The following FAF1 variants were observed in gnomAD, a reference collection of about 807,000 sequenced individuals.
FAF1 encodes Fas associated factor 1.
FAF1 carries 25 observed loss-of-function variants against 92.5 expected under a neutral mutation model. The observed-to-expected ratio is 0.27, with a 90% CI of 0.20 to 0.38. The LOEUF (loss-of-function observed/expected upper bound fraction) is 0.38. Among genes scored for constraint, FAF1 ranks in the 10% least tolerant of loss-of-function variants. The probability of loss-of-function intolerance (pLI) is 1.00; values close to 1 mark genes in which losing one functional copy is unlikely to be tolerated. For synonymous variants in FAF1, 234 were observed against 273.2 expected (o/e 0.86, Z 1.42); for missense variants, 636 against 793.3 (o/e 0.80, Z 2.38).
intron 13 of FAF1, among the ~76,000 whole-genome samples, chr1:50,564,439 T>C (rs1378095631): frequency 2.0e-5 from 3 of 152,096 alleles, no homozygotes; most frequent in Non-Finnish European, 4.4e-5. Context: ...TGCCTAGAAA[T>C]CTCTTCTGTA....
intron 1 of FAF1, among the ~76,000 whole-genome samples, chr1:50,861,094 A>C (rs1644428520): frequency 6.6e-6 from 1 of 151,846 alleles, no homozygotes; most frequent in African/African-American, 2.4e-5. Context: ...GGAGAGAGGC[A>C]AGGGTTGACT....
At chr1:50,553,900 TA>T (rs1037467640) in intron 13 of FAF1, among the ~76,000 whole-genome samples, 10 of 145,692 alleles carry the variant, frequency 6.9e-5, no homozygotes, top group Non-Finnish European at 9.1e-5. Flanking sequence ...TCAGAGCAGC[TA>T]AAAAAAAAAG....
intron 9 of FAF1, among the ~76,000 whole-genome samples, chr1:50,594,630 G>T (rs913615358): frequency 6.6e-6 from 1 of 151,186 alleles, no homozygotes; most frequent in African/African-American, 2.4e-5. Context: ...GAGGCCGGGG[G>T]GGGTGGGGGT....
At position 50,761,984 on chromosome 1, in the gene FAF1, A is replaced by G. The variant is rs573869703; in HGVS notation, c.368-17209T>C. 9.2e-5 allele frequency among the ~76,000 whole-genome samples: 14 copies of G among 152,324 alleles called. No homozygotes were observed. In the East Asian group the frequency reaches 2.5e-3, roughly 27 times the overall value. On this transcript the variant is annotated intron_variant, in intron 4 of 18. Transcript: ENST00000396153. ...TCTCCTTAAGCTGATAAGCAACTTC[A>G]GCAAAGTCTCAGGATACAAAATCAA...
At chr1:50,803,398 A>C (rs915253560) in intron 2 of FAF1, among the ~76,000 whole-genome samples, 3 of 152,156 alleles carry the variant, frequency 2.0e-5, no homozygotes, top group Non-Finnish European at 2.9e-5. Flanking sequence ...CCATTTATTA[A>C]TTTTGTAACC....
intron 15 of FAF1, among the ~76,000 whole-genome samples, chr1:50,507,830 C>T (rs1452829043): frequency 6.6e-6 from 1 of 152,188 alleles, no homozygotes; most frequent in Non-Finnish European, 1.5e-5. Context: ...AATTAAAATT[C>T]AGATATTTCA....
chr1:50,455,051 C>G (rs181640473), intron 18 of FAF1, among the ~76,000 whole-genome samples: 3 of 152,330 alleles, frequency 2.0e-5, no homozygotes, highest in Admixed American at 2.0e-4. Context: ...CTTCCCCCAG[C>G]CTCATTCCTA....
intron 1 of FAF1, among the ~76,000 whole-genome samples, chr1:50,859,292 G>T (rs1293784001): frequency 6.6e-6 from 1 of 151,628 alleles, no homozygotes; most frequent in African/African-American, 2.4e-5. Flanking sequence ...GAAATAAAAG[G>T]CATCTAAATA....
At chr1:50,741,492 C>G (rs957232472) in intron 5 of FAF1, among the ~76,000 whole-genome samples, 4 of 152,044 alleles carry the variant, frequency 2.6e-5, no homozygotes, top group African/African-American at 9.7e-5. Context: ...TGATATAATT[C>G]AATTTATGTT....
At chr1:50,746,276 ATATATATATATATATATTTTTT>A (rs1421832474) in intron 4 of FAF1, among the ~76,000 whole-genome samples, 3 of 20,462 alleles carry the variant, frequency 1.5e-4, no homozygotes, top group Non-Finnish European at 2.4e-4. Context: ...ATATATATAT[ATATATATATATATATATTTTTT>A]TTTTTTTTTT....
intron 6 of FAF1, among the ~76,000 whole-genome samples, chr1:50,730,521 A>G (rs1204465257): frequency 6.6e-6 from 1 of 152,026 alleles, no homozygotes; most frequent in Non-Finnish European, 1.5e-5. Flanking sequence ...TGCGGTTATT[A>G]TTCTATTTTC....
At position 50,556,614 on chromosome 1, in the gene FAF1, T is replaced by C. The variant is rs559483194; in HGVS notation, c.1268+10463A>G. On this transcript the variant is annotated intron_variant, in intron 13 of 18. Coordinates refer to ENST00000396153, the MANE Select transcript of FAF1 (RefSeq NM_007051.3). ...ACTTTGGGAGGCTGAGGTGGACAGA[T>C]TGCATGAGCTCAGGAATTTGAGACC... 8.5e-5 allele frequency among the ~76,000 whole-genome samples: 13 copies of C among 152,136 alleles called. No individual in the cohort carries two copies. In the East Asian group the frequency reaches 2.1e-3, roughly 25 times the overall value.
chr1:50,739,576 T>C (rs1438241906), intron 5 of FAF1, among the ~76,000 whole-genome samples: 1 of 152,156 alleles, frequency 6.6e-6, no homozygotes, highest in Non-Finnish European at 1.5e-5. Context: ...ACTGAAGAAG[T>C]ATATCCTTGC....
intron 12 of FAF1, among the ~76,000 whole-genome samples, chr1:50,571,300 G>A (rs1359139202): frequency 6.6e-6 from 1 of 152,184 alleles, no homozygotes. Flanking sequence ...TGTAATCTAA[G>A]TTTTAGTAAC....
intron 2 of FAF1, among the ~76,000 whole-genome samples, chr1:50,856,070 T>C (rs529035496): frequency 6.6e-6 from 1 of 151,932 alleles, no homozygotes; most frequent in African/African-American, 2.4e-5. Context: ...CCAGTAAGTG[T>C]TTTAACCTTC....
intron 13 of FAF1, among the ~76,000 whole-genome samples, chr1:50,546,302 G>A (rs1024303484): frequency 2.0e-5 from 3 of 152,118 alleles, no homozygotes. Context: ...TAAAAGGAAG[G>A]TATTAAATTG....
At chr1:50,928,296 A>AAGTAATATGAG in intron 1 of FAF1, among the ~76,000 whole-genome samples, 1 of 152,224 alleles carries the variant, frequency 6.6e-6, no homozygotes, top group Non-Finnish European at 1.5e-5. Flanking sequence ...TAGAATGGAA[A>AAGTAATATGAG]AGTCTAAGAA....
chr1:50,599,443 A>G (rs1181771034), intron 8 of FAF1, among the ~76,000 whole-genome samples: 1 of 152,172 alleles, frequency 6.6e-6, no homozygotes, highest in Non-Finnish European at 1.5e-5. Context: ...TAAAAAAAGC[A>G]ATGGTAGGCA....
intron 17 of FAF1, among the ~76,000 whole-genome samples, chr1:50,484,094 A>G (rs762639993): frequency 1.3e-5 from 2 of 152,212 alleles, no homozygotes; most frequent in Non-Finnish European, 2.9e-5. Flanking sequence ...TATAGTCAAT[A>G]TAATAGTCAT....
Sources: gnomAD v4.1 joint callset for allele counts (sites outside exome capture counted in the v4.1 genomes callset) on GRCh38, gnomAD v4.1.1 for gene constraint, MANE v1.5 for transcripts, NCBI Gene and HGNC (gene_info 2026-07-23, HGNC 2026-07-21) for gene names.